The following PIK3C2G variants were observed in gnomAD, a reference collection of about 807,000 sequenced individuals.
PIK3C2G encodes the protein phosphatidylinositol-4-phosphate 3-kinase catalytic subunit type 2 gamma.
A neutral mutation model predicts 181.1 loss-of-function variants in PIK3C2G; 168 were observed. That is an observed-to-expected ratio of 0.93 (90% CI 0.82 to 1.05). The LOEUF (loss-of-function observed/expected upper bound fraction) is 1.05, where lower values mean the gene tolerates loss of function less well. Ranked by LOEUF, PIK3C2G falls within the 50% of genes least tolerant of loss-of-function variation. PIK3C2G has a pLI of 0.00. For missense variants in PIK3C2G, 1,869 were observed against 1,732.8 expected (o/e 1.08, Z -1.40); for synonymous variants, 573 against 592.2 (o/e 0.97, Z 0.47).
At chr12:18,500,871 G>A (rs1446149936) in intron 22 of PIK3C2G, among the ~76,000 whole-genome samples, 4 of 152,078 alleles carry the variant, frequency 2.6e-5, no homozygotes, top group Non-Finnish European at 5.9e-5. Context: ...TTTATGAGCT[G>A]CAACCCTCAC....
the PIK3C2G span, among the ~76,000 whole-genome samples, chr12:18,697,958 A>G: frequency 6.6e-6 from 1 of 152,012 alleles, no homozygotes; most frequent in Admixed American, 6.6e-5. Flanking sequence ...GACTCTACTC[A>G]GAACTATCTA....
intron 24 of PIK3C2G, among the ~76,000 whole-genome samples, chr12:18,512,574 A>G (rs545759821): frequency 1.3e-5 from 2 of 151,688 alleles, no homozygotes; most frequent in Non-Finnish European, 3.0e-5. Context: ...CATAAATGGG[A>G]TTTTCTTAAT....
downstream of PIK3C2G, among the ~76,000 whole-genome samples, chr12:18,650,732 A>C (rs555062677): frequency 8.3e-4 from 22 of 26,620 alleles, no homozygotes; most frequent in Admixed American, 1.5e-3. Context: ...ATATATATAT[A>C]TATATATATA....
Position 18,503,367 on chromosome 12 carries a change from A to G in PIK3C2G, c.3103A>G (p.Ile1035Val). 3.1e-6 allele frequency: 5 copies of G among 1,612,364 alleles called. No homozygotes were observed. The highest frequency in any genetic ancestry group is 4.2e-6 in the Non-Finnish European group (5 of 1,178,842). The change falls in exon 23 of 33, where the codon ATT (isoleucine) becomes GTT (valine). Residue 1035 changes from isoleucine (I) to valine (V), a missense_variant. Coordinates refer to ENST00000538779, the MANE Select transcript of PIK3C2G (RefSeq NM_001288772.2). ...GLIGPLKENT[I>V]KKWFSQHNHL... is the part of the protein sequence containing the mutation. ...GATAGGACCATTGAAAGAAAATACAATTAAAAAGTGGTTCAGTCAGCACAA... is the reference window on the plus strand; with the variant it reads ...GATAGGACCATTGAAAGAAAATACAGTTAAAAAGTGGTTCAGTCAGCACAA...
the PIK3C2G span, among the ~76,000 whole-genome samples, chr12:18,696,833 A>G: frequency 2.2e-4 from 34 of 152,006 alleles, no homozygotes; most frequent in Non-Finnish European, 3.1e-4. Context: ...AGTTTATTCA[A>G]TCTGTGTTTA....
At chr12:18,711,000 GAA>G in the PIK3C2G span, among the ~76,000 whole-genome samples, 4 of 152,032 alleles carry the variant, frequency 2.6e-5, no homozygotes. Context: ...TCTAGAACTA[GAA>G]ATACCATTTG....
intron 24 of PIK3C2G, among the ~76,000 whole-genome samples, chr12:18,529,012 T>C (rs956525926): frequency 7.9e-5 from 12 of 152,252 alleles, no homozygotes; most frequent in African/African-American, 2.9e-4. Context: ...GTTGTTAAAA[T>C]TTGTTCAAAG....
chr12:18,487,681 T>A (rs1940185926), intron 18 of PIK3C2G, among the ~76,000 whole-genome samples: 1 of 152,124 alleles, frequency 6.6e-6, no homozygotes, highest in Admixed American at 6.6e-5. Context: ...GATTTATGCT[T>A]CCCATGTTCA....
intron 2 of PIK3C2G, among the ~76,000 whole-genome samples, chr12:18,285,146 A>G (rs34181448): frequency 0.074 from 11,205 of 152,206 alleles, 561 homozygotes; most frequent in Non-Finnish European, 0.11. Flanking sequence ...GATTTCACAC[A>G]GTGGAACAAC....
At chr12:18,670,266 C>T in the PIK3C2G span, among the ~76,000 whole-genome samples, 77 of 152,058 alleles carry the variant, frequency 5.1e-4, no homozygotes, top group African/African-American at 1.7e-3. Context: ...TACATTTCTC[C>T]ACAATTACAG....
At chr12:18,509,267 C>T (rs764151487) in intron 24 of PIK3C2G, among the ~76,000 whole-genome samples, 39 of 152,068 alleles carry the variant, frequency 2.6e-4, no homozygotes, top group Non-Finnish European at 4.6e-4. Context: ...AGACTGGTCT[C>T]GAACTCCCGA....
At chr12:18,499,704 G>C (rs939728682) in intron 22 of PIK3C2G, among the ~76,000 whole-genome samples, 1 of 152,188 alleles carries the variant, frequency 6.6e-6, no homozygotes, top group Non-Finnish European at 1.5e-5. Context: ...GAGGCTCAAA[G>C]GTTGATTGCA....
At chr12:18,711,351 A>G in the PIK3C2G span, among the ~76,000 whole-genome samples, 2 of 118,646 alleles carry the variant, frequency 1.7e-5, no homozygotes, top group South Asian at 5.6e-4. Flanking sequence ...ACATGGACAC[A>G]GGAAGGGGAA....
At chr12:18,665,174 A>T in the PIK3C2G span, among the ~76,000 whole-genome samples, 7,329 of 150,204 alleles carry the variant, frequency 0.049, 270 homozygotes, top group African/African-American at 0.1. Context: ...AAAAAATAAA[A>T]AAAAATTAAA....
Position 18,648,055 on chromosome 12 carries a change from C to T in PIK3C2G, c.*27C>T. The stretch of plus-strand genomic sequence containing the variant: ...CATTGCTATGAACATATGCATTATT[C>T]ATTAACTACTTGTATTTTTTTCACT... On this transcript the variant is annotated 3_prime_UTR_variant, in exon 33 of 33. Transcript: ENST00000538779. 6.9e-7 allele frequency: 1 copy of T among 1,441,422 alleles called. No individual in the cohort carries two copies. The allele number at this position is 1,441,422 out of a possible 1,614,324, so 89.3% of individuals were successfully genotyped here.
Position 18,286,865 on chromosome 12 carries a change from C to G in PIK3C2G, c.697C>G (p.Gln233Glu). Residue 233 changes from glutamine (Q) to glutamate (E), a missense_variant, in exon 3 of 33, where the codon CAG becomes GAG. Transcript: ENST00000538779. ...TTTTAAGTCAATAGGTTGTTCCATTCAGCTAGTGGAAGTACCTCAAAGCAG... is the reference window on the plus strand; with the variant it reads ...TTTTAAGTCAATAGGTTGTTCCATTGAGCTAGTGGAAGTACCTCAAAGCAG... ...KNIESIGCSIQLVEVPQSSNT... is the reference protein window; with the variant it reads ...KNIESIGCSIELVEVPQSSNT... The G allele has an allele frequency of 6.4e-7, 1 of 1,557,428 alleles. No individual in the cohort carries two copies. The highest frequency in any genetic ancestry group is 8.7e-7 in the Non-Finnish European group (1 of 1,147,654).
rs541655701 is a variant in PIK3C2G at position 18,471,790 on chromosome 12, A to G, written c.2505-16659A>G. Reference sequence around the variant, plus strand: ...ATTTAAGTATGTTTTATTTCTTCCAATTAAGTTGTGTGAGTGCCTCTGGGG... The same window carrying G: ...ATTTAAGTATGTTTTATTTCTTCCAGTTAAGTTGTGTGAGTGCCTCTGGGG... On this transcript the variant is annotated intron_variant, in intron 18 of 32. Transcript: ENST00000538779. Among the ~76,000 whole-genome samples the G allele has an allele frequency of 4.6e-5, 7 of 152,204 alleles. No homozygotes were observed. The South Asian group carries it at 1.5e-3, about 32-fold the overall frequency.
intron 14 of PIK3C2G, among the ~76,000 whole-genome samples, chr12:18,383,398 G>A (rs1051117614): frequency 6.6e-5 from 10 of 152,290 alleles, no homozygotes; most frequent in African/African-American, 9.6e-5. Context: ...CTAACACAGC[G>A]AGAATAGCAA....
At chr12:18,723,510 G>A in the PIK3C2G span, 1 of 1,612,464 alleles carries the variant, frequency 6.2e-7, no homozygotes, top group Non-Finnish European at 8.5e-7. Context: ...ATTCTTCTAT[G>A]GTGATTCTTC....
Sources: allele counts gnomAD v4.1 joint callset (sites outside exome capture counted in the v4.1 genomes callset), GRCh38; gene constraint gnomAD v4.1.1; transcripts MANE v1.5; gene names NCBI Gene and HGNC (gene_info 2026-07-23, HGNC 2026-07-21).